Variants in GRIA4 observed in about 807,000 individuals in gnomAD.
GRIA4 encodes glutamate receptor 4.
GRIA4 carries 34 observed loss-of-function variants against 104.0 expected under a neutral mutation model. The observed-to-expected ratio is 0.33, with a 90% CI of 0.25 to 0.44. The LOEUF (loss-of-function observed/expected upper bound fraction) is 0.44. Ranked by LOEUF, GRIA4 falls within the 20% of genes least tolerant of loss-of-function variation. The pLI, the probability that GRIA4 is intolerant of heterozygous loss-of-function variation, is 1.00. For synonymous variants in GRIA4, 386 were observed against 381.9 expected, an observed-to-expected ratio of 1.01 and a Z score of -0.13; for missense variants, 750 against 1,096.5, an observed-to-expected ratio of 0.68 and a Z score of 4.46.
chr11:105,694,435 A>T (rs1366702781), intron 3 of GRIA4, among the ~76,000 whole-genome samples: 1 of 152,174 alleles, frequency 6.6e-6, no homozygotes, highest in African/African-American at 2.4e-5. Flanking sequence ...GCGTAAGTCA[A>T]TGCTCCCGGC....
intron 3 of GRIA4, among the ~76,000 whole-genome samples, chr11:105,623,210 T>C (rs1373468912): frequency 6.6e-6 from 1 of 151,674 alleles, no homozygotes; most frequent in African/African-American, 2.4e-5. Flanking sequence ...ATGATTTATT[T>C]TCCTGTGTAT....
intron 5 of GRIA4, among the ~76,000 whole-genome samples, chr11:105,882,534 T>C (rs1946104618): frequency 6.6e-6 from 1 of 152,218 alleles, no homozygotes; most frequent in Non-Finnish European, 1.5e-5. Context: ...CTGACATTTA[T>C]ATCCTGATTA....
chr11:105,895,375 C>G (rs1363997218), intron 6 of GRIA4, among the ~76,000 whole-genome samples: 1 of 151,690 alleles, frequency 6.6e-6, no homozygotes, highest in Non-Finnish European at 1.5e-5. Context: ...ATCTGTTTTA[C>G]ACTTTTTATT....
intron 3 of GRIA4, among the ~76,000 whole-genome samples, chr11:105,741,653 A>G (rs1033937300): frequency 2.0e-5 from 3 of 152,108 alleles, no homozygotes; most frequent in Non-Finnish European, 4.4e-5. Context: ...CCCTTTGGTC[A>G]CCAGCCTTAT....
In GRIA4 at chr11:105,885,637, C is replaced by G. The variant is rs542938426; in HGVS notation, c.673-1882C>G. On this transcript the variant is annotated intron_variant, in intron 5 of 16. Coordinates refer to ENST00000282499, the MANE Select transcript of GRIA4 (RefSeq NM_000829.4). ...AGCCAGACCAGTGAAGGGCAACAGC[C>G]CAATAAAAGGGTATAGCTGAAAAAA... Among the ~76,000 whole-genome samples, 18 of 152,262 alleles carry G rather than the reference C, an allele frequency of 1.2e-4. 1 individual carries two copies. The South Asian group carries it at 2.7e-3, about 23-fold the overall frequency.
At chr11:105,694,425 G>A (rs1460962121) in intron 3 of GRIA4, among the ~76,000 whole-genome samples, 1 of 152,078 alleles carries the variant, frequency 6.6e-6, no homozygotes, top group African/African-American at 2.4e-5. Context: ...GGGATTATAG[G>A]CGTAAGTCAA....
intron 4 of GRIA4, among the ~76,000 whole-genome samples, chr11:105,816,652 G>A (rs1303325675): frequency 6.6e-6 from 1 of 152,048 alleles, no homozygotes; most frequent in African/African-American, 2.4e-5. Flanking sequence ...CCTAATACAT[G>A]ATGTCTCATA....
At chr11:105,957,821 C>CT (rs1480435765) in intron 14 of GRIA4, among the ~76,000 whole-genome samples, 1 of 152,052 alleles carries the variant, frequency 6.6e-6, no homozygotes, top group Non-Finnish European at 1.5e-5. Context: ...TGAAGAAGTC[C>CT]TTCACATCCC....
chr11:105,945,753 A>G (rs1591474505), intron 14 of GRIA4, among the ~76,000 whole-genome samples: 3 of 152,324 alleles, frequency 2.0e-5, no homozygotes, highest in Admixed American at 2.0e-4. Context: ...TTCTATCTTC[A>G]TTAAATATTA....
intron 3 of GRIA4, among the ~76,000 whole-genome samples, chr11:105,692,843 T>A (rs1190066393): frequency 6.6e-6 from 1 of 152,202 alleles, no homozygotes; most frequent in Admixed American, 6.5e-5. Context: ...TATACTTTAC[T>A]TCAGTTAAAT....
chr11:105,811,746 T>A (rs1404801241), intron 4 of GRIA4, among the ~76,000 whole-genome samples: 1 of 152,194 alleles, frequency 6.6e-6, no homozygotes, highest in East Asian at 1.9e-4. Context: ...CAAATTCACC[T>A]GAGCATCCTG....
At chr11:105,830,977 C>A (rs889695497) in intron 4 of GRIA4, among the ~76,000 whole-genome samples, 1 of 151,992 alleles carries the variant, frequency 6.6e-6, no homozygotes, top group Non-Finnish European at 1.5e-5. Context: ...CACGCACACA[C>A]ACACACACAC....
intron 4 of GRIA4, among the ~76,000 whole-genome samples, chr11:105,813,095 A>AG: frequency 6.8e-6 from 1 of 147,308 alleles, no homozygotes; most frequent in Non-Finnish European, 1.5e-5. Flanking sequence ...CTCCATCTCA[A>AG]AAAAAAAAAA....
At chr11:105,838,756 T>G (rs1018125166) in intron 4 of GRIA4, among the ~76,000 whole-genome samples, 2 of 152,154 alleles carry the variant, frequency 1.3e-5, no homozygotes, top group African/African-American at 4.8e-5. Context: ...TGACACCCAT[T>G]TGACTCTTAA....
At chr11:105,742,383 G>A (rs1938961) in intron 3 of GRIA4, among the ~76,000 whole-genome samples, 98,784 of 151,802 alleles carry the variant, frequency 0.65, 32,183 homozygotes, top group African/African-American at 0.7. Flanking sequence ...CATCTCATTC[G>A]AGGCCAACCT....
At chr11:105,692,690 A>T (rs777192817) in intron 3 of GRIA4, among the ~76,000 whole-genome samples, 2 of 152,260 alleles carry the variant, frequency 1.3e-5, no homozygotes, top group Non-Finnish European at 2.9e-5. Flanking sequence ...TTGTGAAAGA[A>T]AAGACTTTGC....
At chr11:105,814,947 G>C (rs528347452) in intron 4 of GRIA4, among the ~76,000 whole-genome samples, 2 of 152,214 alleles carry the variant, frequency 1.3e-5, no homozygotes, top group South Asian at 4.2e-4. Context: ...CCCAGCCATA[G>C]TGATTGGTTC....
intron 3 of GRIA4, among the ~76,000 whole-genome samples, chr11:105,655,593 CT>C (rs1951820344): frequency 1.3e-5 from 2 of 152,060 alleles, no homozygotes. Context: ...GTTTGGTTTT[CT>C]ATTCCTGTGT....
intron 5 of GRIA4, among the ~76,000 whole-genome samples, chr11:105,872,068 AG>A (rs1945637560): frequency 6.6e-6 from 1 of 152,120 alleles, no homozygotes; most frequent in South Asian, 2.1e-4. Context: ...ACTGCTCTAC[AG>A]AACTGCATAC....
Sources: gnomAD v4.1 joint callset for allele counts (sites outside exome capture counted in the v4.1 genomes callset) on GRCh38, gnomAD v4.1.1 for gene constraint, MANE v1.5 for transcripts, NCBI Gene and HGNC (gene_info 2026-07-23, HGNC 2026-07-21) for gene names.